The following ITFG1 variants were observed in gnomAD, a reference collection of about 807,000 sequenced individuals.
The protein encoded by ITFG1 is integrin alpha FG-GAP repeat containing 1.
ITFG1 carries 34 observed loss-of-function variants against 81.8 expected under a neutral mutation model. The ratio of observed to expected loss-of-function variants is 0.42; its 90% confidence interval spans 0.32 to 0.55. The LOEUF (loss-of-function observed/expected upper bound fraction) is 0.55. ITFG1 is among the 20% of genes least tolerant of loss of function. The probability of loss-of-function intolerance (pLI) is 0.17; values close to 1 mark genes in which losing one functional copy is unlikely to be tolerated. For synonymous variants in ITFG1, 285 were observed against 270.6 expected, an observed-to-expected ratio of 1.05 and a Z score of -0.52; for missense variants, 672 against 755.4, an observed-to-expected ratio of 0.89 and a Z score of 1.29.
At chr16:47,418,240 T>C (rs1968897821) in intron 6 of ITFG1, among the ~76,000 whole-genome samples, 1 of 152,198 alleles carries the variant, frequency 6.6e-6, no homozygotes, top group Non-Finnish European at 1.5e-5. Context: ...TTTCTTACCG[T>C]TGAATTCTTT....
At chr16:47,432,475 T>G (rs530663800) in intron 5 of ITFG1, among the ~76,000 whole-genome samples, 11 of 152,352 alleles carry the variant, frequency 7.2e-5, no homozygotes, top group Admixed American at 7.2e-4. Context: ...ACACAAAATG[T>G]GTTCTACAAA....
intron 8 of ITFG1, among the ~76,000 whole-genome samples, chr16:47,343,355 T>G (rs1384256956): frequency 2.6e-5 from 4 of 152,094 alleles, no homozygotes; most frequent in African/African-American, 9.7e-5. Context: ...AATCTCCATT[T>G]AAGTGCTAAA....
intron 14 of ITFG1, among the ~76,000 whole-genome samples, chr16:47,207,730 G>C (rs1343036077): frequency 1.3e-5 from 2 of 152,174 alleles, no homozygotes; most frequent in Non-Finnish European, 2.9e-5. Context: ...CAGGGCCCTG[G>C]GGGCCACAGG....
chr16:47,244,472 T>C (rs974547088), intron 12 of ITFG1, among the ~76,000 whole-genome samples: 1 of 152,138 alleles, frequency 6.6e-6, no homozygotes, highest in South Asian at 2.1e-4. Context: ...AATCCCTACA[T>C]ATTTTGGTGA....
At chr16:47,182,058 G>A (rs1314045612) in intron 14 of ITFG1, among the ~76,000 whole-genome samples, 1 of 151,918 alleles carries the variant, frequency 6.6e-6, no homozygotes, top group Admixed American at 6.6e-5. Flanking sequence ...AGGCCACAGG[G>A]TCCTCTGCCT....
intron 14 of ITFG1, among the ~76,000 whole-genome samples, chr16:47,170,486 A>G (rs1411138814): frequency 1.3e-5 from 2 of 151,094 alleles, no homozygotes; most frequent in Non-Finnish European, 2.9e-5. Flanking sequence ...CTGGAGTGCA[A>G]TGGTGTGATC....
At chr16:47,258,344 A>C (rs567565863) in intron 12 of ITFG1, among the ~76,000 whole-genome samples, 2 of 152,228 alleles carry the variant, frequency 1.3e-5, no homozygotes, top group Non-Finnish European at 2.9e-5. Context: ...AAAGGACATG[A>C]AAAATAAGAA....
At chr16:47,428,288 A>C (rs566840784) in intron 6 of ITFG1, among the ~76,000 whole-genome samples, 60 of 152,320 alleles carry the variant, frequency 3.9e-4, no homozygotes, top group African/African-American at 1.4e-3. Flanking sequence ...TGATAGGAGG[A>C]ACTTGTAGGT....
chr16:47,165,502 AAAT>A (rs1463029201), intron 14 of ITFG1, among the ~76,000 whole-genome samples: 22 of 152,276 alleles, frequency 1.4e-4, no homozygotes, highest in African/African-American at 5.3e-4. Flanking sequence ...CTCACATAGT[AAAT>A]AATAATGTTA....
rs8044842 is a variant in ITFG1, at chr16:47,237,965, T to C, written c.1374A>G (p.Thr458=). 60,624 of 1,389,656 alleles carry C rather than the reference T, an allele frequency of 0.044. 2,075 individuals are homozygous for C. The highest frequency in any genetic ancestry group is 0.17 in the African/African-American group (11,472 of 67,036). The allele number at this position is 1,389,656 out of a possible 1,614,324, so 86.1% of individuals were successfully genotyped here. ...TTATAACAGATATAAATTTACTTAC[T>C]GTTATCTTACGAGGACAGTCATTAG... is the stretch of plus-strand genomic sequence containing the variant. ...LCSNDCPRKI[T]PFGVNQPGPY... is the part of the protein sequence containing the mutation. The change falls in exon 13 of 18, where the codon ACA becomes ACG. Residue 458 remains threonine (T), a splice_region_variant and synonymous_variant. Transcript: ENST00000320640.
At chr16:47,451,505 TTTAAA>T in intron 4 of ITFG1, 35 bp from the exon 5 acceptor site, 1 of 1,130,414 alleles carries the variant, frequency 8.8e-7, no homozygotes, top group South Asian at 1.3e-5. Flanking sequence ...CAGCTATTTC[TTTAAA>T]TTCTTACTTC....
At chr16:47,244,100 C>A (rs746623055) in intron 12 of ITFG1, among the ~76,000 whole-genome samples, 1 of 152,248 alleles carries the variant, frequency 6.6e-6, no homozygotes, top group South Asian at 2.1e-4. Context: ...GCCAAGAGCA[C>A]ATCCTGTATG....
intron 6 of ITFG1, among the ~76,000 whole-genome samples, chr16:47,420,226 A>C (rs1468899185): frequency 3.3e-5 from 5 of 152,124 alleles, no homozygotes; most frequent in African/African-American, 1.2e-4. Flanking sequence ...CCAATTTTTA[A>C]AAATTAGTTG....
chr16:47,365,757 G>T (rs1968168579), intron 8 of ITFG1, 31 bp downstream of exon 8: 2 of 1,065,626 alleles, frequency 1.9e-6, no homozygotes, highest in Non-Finnish European at 2.9e-6. Context: ...AAAGGCAAAA[G>T]CCTTTTTTTT....
In ITFG1 at chr16:47,260,640, C is replaced by G. The variant is rs771169968; in HGVS notation, c.1126G>C (p.Glu376Gln). The G allele has an allele frequency of 6.2e-7, 1 of 1,614,176 alleles. No individual in the cohort carries two copies. The highest frequency in any genetic ancestry group is 1.1e-5 in the South Asian group (1 of 91,076). ...NVPCNNASCE[E>Q]ARRMFKVYWE... ...TAGACTTTAAACATTCGACGCGCCT[C>G]TTCACAGCTTGCATTATTACAAGGG... Residue 376 changes from glutamate (E) to glutamine (Q), a missense_variant, in exon 11 of 18, where the codon GAG (glutamate) becomes CAG (glutamine). Glu to Gln is a conservative substitution (Grantham distance 29). Coordinates refer to ENST00000320640, the MANE Select transcript of ITFG1 (RefSeq NM_030790.5).
At chr16:47,224,355 C>G (rs1965733120) in intron 13 of ITFG1, among the ~76,000 whole-genome samples, 1 of 152,106 alleles carries the variant, frequency 6.6e-6, no homozygotes, top group Admixed American at 6.6e-5. Context: ...TCACAGGGGA[C>G]TCTGAAAATC....
At chr16:47,263,791 T>G (rs1351001597) in intron 10 of ITFG1, among the ~76,000 whole-genome samples, 1 of 152,214 alleles carries the variant, frequency 6.6e-6, no homozygotes, top group Non-Finnish European at 1.5e-5. Flanking sequence ...AATGTCATTC[T>G]TAATTTTTGA....
chr16:47,201,309 C>T (rs946616725), intron 14 of ITFG1, among the ~76,000 whole-genome samples: 12 of 151,468 alleles, frequency 7.9e-5, no homozygotes, highest in Admixed American at 3.3e-4. Context: ...CCCGGGCTCA[C>T]GCATTTCTCC....
In ITFG1 at chr16:47,324,934, A is replaced by C. The variant is rs1967510048; in HGVS notation, c.803-11111T>G. 2.0e-5 allele frequency among the ~76,000 whole-genome samples: 3 copies of C among 152,290 alleles called. No homozygotes were observed. In the South Asian group the frequency reaches 6.2e-4, roughly 32 times the overall value. On this transcript the variant is annotated intron_variant, in intron 8 of 17. Transcript: ENST00000320640. Reference sequence around the variant, plus strand: ...ACATTAGACAGATCAGCGAGACAGAAAGTCAAAAGGATACCCAGGAATTGA... The same window carrying C: ...ACATTAGACAGATCAGCGAGACAGACAGTCAAAAGGATACCCAGGAATTGA...
Sources: allele counts gnomAD v4.1 joint callset (sites outside exome capture counted in the v4.1 genomes callset), GRCh38; gene constraint gnomAD v4.1.1; transcripts MANE v1.5; gene names NCBI Gene and HGNC (gene_info 2026-07-23, HGNC 2026-07-21).